Variants in NDUFAF6 observed in about 807,000 individuals in gnomAD.
NDUFAF6 encodes the protein NADH:ubiquinone oxidoreductase complex assembly factor 6.
Under a neutral mutation model 40.8 loss-of-function variants are expected in NDUFAF6, and 45 were observed. The observed-to-expected ratio is 1.10, with a 90% CI of 0.87 to 1.42. The LOEUF is 1.42. Among genes scored for constraint, NDUFAF6 ranks in the 40% most tolerant of loss-of-function variants. The pLI is 0.00. For synonymous variants in NDUFAF6, 185 were observed against 155.9 expected (o/e 1.19, Z -1.39); for missense variants, 435 against 418.5 (o/e 1.04, Z -0.34).
chr8:94,950,949 C>A (rs1269433595), intron 2 of NDUFAF6: 1 of 152,134 alleles, frequency 6.6e-6, no homozygotes, highest in African/African-American at 2.4e-5. Context: ...TGAAGTAGAT[C>A]ATTTTTCCAA....
intron 2 of NDUFAF6, among the ~76,000 whole-genome samples, chr8:95,014,589 A>G (rs1487662687): frequency 6.6e-6 from 1 of 152,232 alleles, no homozygotes; most frequent in Non-Finnish European, 1.5e-5. Flanking sequence ...AGCAGAAACT[A>G]AGTTCCAAGT....
At chr8:94,928,151 AG>A (rs1170343683) in intron 1 of NDUFAF6, 1 of 152,236 alleles carries the variant, frequency 6.6e-6, no homozygotes, top group Non-Finnish European at 1.5e-5. Context: ...CTTGAAAAAA[AG>A]CCCAACGAAT....
chr8:95,001,516 A>G (rs1427670932), intron 2 of NDUFAF6, among the ~76,000 whole-genome samples: 4 of 152,130 alleles, frequency 2.6e-5, no homozygotes, highest in Non-Finnish European at 5.9e-5. Context: ...GCCTGTCCAT[A>G]TGTTAATTGC....
At position 95,025,021 on chromosome 8, in the gene NDUFAF6, G is replaced by T. The variant is rs763920133; in HGVS notation, c.13G>T (p.Ala5Ser). The stretch of plus-strand genomic sequence containing the variant: ...CAGTGCCGGCGTCATGGCGGCCTCC[G>T]CGCACGGCTCTGTCTGGGGGCCGTT... Reference protein sequence around the residue: MAASAHGSVWGPLRL... With the variant: MAASSHGSVWGPLRL... Residue 5 changes from alanine (A) to serine (S), a missense_variant, in exon 1 of 9, where the codon GCG (alanine) becomes TCG (serine). Ala to Ser is a moderately conservative substitution (Grantham distance 99). Transcript: ENST00000396124. 6.7e-6 allele frequency: 9 copies of T among 1,349,872 alleles called. No homozygotes were observed. In the East Asian group the frequency reaches 9.1e-5, roughly 14 times the overall value. The allele number at this position is 1,349,872 out of a possible 1,614,324, so 83.6% of individuals were successfully genotyped here. A position where few individuals can be genotyped will look rare whatever the true frequency, so the allele number is the denominator to read the frequency against.
intron 1 of NDUFAF6, among the ~76,000 whole-genome samples, chr8:94,958,988 C>T (rs1823324120): frequency 6.6e-6 from 1 of 152,130 alleles, no homozygotes; most frequent in African/African-American, 2.4e-5. Context: ...TTTGTCTTTA[C>T]TTTGGGCTTT....
At chr8:95,066,001 G>A (rs1375937366) in intron 9 of NDUFAF6, among the ~76,000 whole-genome samples, 1 of 152,162 alleles carries the variant, frequency 6.6e-6, no homozygotes, top group African/African-American at 2.4e-5. Context: ...TTTGAAGCAA[G>A]GTGTGAAGTA....
upstream of NDUFAF6, among the ~76,000 whole-genome samples, chr8:94,956,505 C>G (rs1326758048): frequency 6.6e-6 from 1 of 152,112 alleles, no homozygotes; most frequent in African/African-American, 2.4e-5. Flanking sequence ...GAGACCAGAT[C>G]AGAGAGGTGG....
chr8:95,058,750 TG>T, downstream of NDUFAF6: 1 of 989,482 alleles, frequency 1.0e-6, no homozygotes, highest in Non-Finnish European at 1.2e-6. Flanking sequence ...TTCCCAGTGA[TG>T]AGCACTGTGC....
At chr8:95,011,532 T>C (rs1827226815) in intron 2 of NDUFAF6, among the ~76,000 whole-genome samples, 1 of 152,112 alleles carries the variant, frequency 6.6e-6, no homozygotes, top group African/African-American at 2.4e-5. Context: ...GAGAGTGACA[T>C]TTGGGAGCTG....
At chr8:95,035,388 T>C (rs1052666299) in intron 2 of NDUFAF6, 66 bp from the exon 3 acceptor site, 3 of 1,570,494 alleles carry the variant, frequency 1.9e-6, no homozygotes. Flanking sequence ...AAAAATTCCC[T>C]CAAAGATACT....
chr8:94,908,965 C>T (rs891402504), intron 1 of NDUFAF6, among the ~76,000 whole-genome samples: 1 of 152,152 alleles, frequency 6.6e-6, no homozygotes, highest in Non-Finnish European at 1.5e-5. Flanking sequence ...ATCACAAATC[C>T]TGAACCCCTC....
chr8:94,914,547 C>T (rs1444156907), intron 1 of NDUFAF6, among the ~76,000 whole-genome samples: 14 of 152,212 alleles, frequency 9.2e-5, no homozygotes, highest in Non-Finnish European at 1.5e-5. Context: ...CCTATGGTTG[C>T]TCACTCACTA....
At chr8:94,995,121 A>G (rs1826366471) in intron 2 of NDUFAF6, among the ~76,000 whole-genome samples, 1 of 152,260 alleles carries the variant, frequency 6.6e-6, no homozygotes, top group East Asian at 1.9e-4. Context: ...GTCTGTACAT[A>G]CAGTGGAATA....
chr8:95,020,138 G>A (rs903318170), upstream of NDUFAF6, among the ~76,000 whole-genome samples: 1 of 152,222 alleles, frequency 6.6e-6, no homozygotes, highest in African/African-American at 2.4e-5. Flanking sequence ...GGTGGAAGTT[G>A]CAGTGAGCGG....
intron 1 of NDUFAF6, among the ~76,000 whole-genome samples, chr8:94,923,348 T>C (rs1279450521): frequency 6.6e-6 from 1 of 152,242 alleles, no homozygotes; most frequent in Admixed American, 6.5e-5. Flanking sequence ...CTGTCCAGTA[T>C]GGTAGCTGCT....
intron 1 of NDUFAF6, 103 bp downstream of exon 1, chr8:95,025,308 C>G: frequency 1.7e-6 from 2 of 1,178,974 alleles, no homozygotes; most frequent in Non-Finnish European, 2.2e-6. Flanking sequence ...CGGACCGGCG[C>G]CTTCCTCGTG....
At chr8:94,952,723 G>GT (rs1238062675) in intron 2 of NDUFAF6, among the ~76,000 whole-genome samples, 1 of 152,206 alleles carries the variant, frequency 6.6e-6, no homozygotes, top group Admixed American at 6.5e-5. Flanking sequence ...GGCCATAAGT[G>GT]TAATAGCTTT....
chr8:94,945,862 G>T (rs1821939609), intron 2 of NDUFAF6, among the ~76,000 whole-genome samples: 1 of 152,170 alleles, frequency 6.6e-6, no homozygotes. Context: ...TCCCCGACAA[G>T]AGAAAAGAAC....
intron 8 of NDUFAF6, among the ~76,000 whole-genome samples, chr8:95,056,713 TG>T (rs1467291898): frequency 6.6e-6 from 1 of 151,976 alleles, no homozygotes; most frequent in Non-Finnish European, 1.5e-5. Context: ...AAGACTAGCC[TG>T]GCCAATGTGG....
Sources: gnomAD v4.1 joint callset for allele counts (sites outside exome capture counted in the v4.1 genomes callset) on GRCh38, gnomAD v4.1.1 for gene constraint, MANE v1.5 for transcripts, NCBI Gene and HGNC (gene_info 2026-07-23, HGNC 2026-07-21) for gene names.